The following NOTCH1 variants were observed in gnomAD, a reference collection of about 807,000 sequenced individuals.
NOTCH1 encodes notch receptor 1.
In NOTCH1, 37 loss-of-function variants were observed where a neutral mutation model predicts 254.8. The observed-to-expected ratio is 0.15, with a 90% confidence interval of 0.11 to 0.19. NOTCH1 has a LOEUF of 0.19. NOTCH1 is among the 10% of genes least tolerant of loss of function. The pLI is 1.00. For missense variants in NOTCH1, 2,972 were observed against 3,708.6 expected (o/e 0.80, Z 5.16); for synonymous variants, 1,731 against 1,618.1 (o/e 1.07, Z -1.68).
chr9:136,538,925 G>A (rs902138156), intron 2 of NOTCH1, among the ~76,000 whole-genome samples: 7 of 152,216 alleles, frequency 4.6e-5, no homozygotes, highest in Admixed American at 6.5e-5. Flanking sequence ...ACATGAAACA[G>A]GAAAGGTCCC....
chr9:136,498,627 C>T (rs996753307), intron 33 of NOTCH1, among the ~76,000 whole-genome samples: 6 of 152,208 alleles, frequency 3.9e-5, no homozygotes, highest in African/African-American at 9.7e-5. Context: ...CCATGACTGC[C>T]GCCCAGGAGG....
chr9:136,509,843 G>A lies in NOTCH1; in HGVS notation c.2859C>T (p.Pro953=), dbSNP rs2133350864. 1.2e-6 allele frequency: 2 copies of A among 1,613,176 alleles called. No homozygotes were observed. Among genetic ancestry groups the A allele is most frequent in the Non-Finnish European group, 1.7e-6 (2 of 1,180,032 alleles). ...CCGTGCAGTTGGCCCCGTTGCGGCA[G>A]GGGTCACTGGCACACTCGTTGATGT... is the stretch of plus-strand genomic sequence containing the variant. ...EEDINECASD[P]CRNGANCTDC... The change falls in exon 18 of 34, where the codon CCC becomes CCT. Residue 953 remains proline (P), a synonymous_variant. Transcript: ENST00000651671.
intron 2 of NOTCH1, among the ~76,000 whole-genome samples, chr9:136,525,200 G>A (rs1003408441): frequency 1.3e-5 from 2 of 152,190 alleles, no homozygotes; most frequent in African/African-American, 2.4e-5. Context: ...CAAGGTGGGT[G>A]AAAGGCTGCC....
chr9:136,497,666 G>T (rs777550330), intron 33 of NOTCH1, 108 bp from the exon 34 acceptor site: 2 of 926,798 alleles, frequency 2.2e-6, no homozygotes, highest in Non-Finnish European at 3.2e-6. Flanking sequence ...TCCGCGGGGT[G>T]GGGGCAGGCA....
At chr9:136,515,193 A>G in intron 12 of NOTCH1, 97 bp downstream of exon 12, 1 of 1,181,250 alleles carries the variant, frequency 8.5e-7, no homozygotes, top group Non-Finnish European at 1.2e-6. Context: ...GGGCAGCACC[A>G]AAGCCCTCAC....
At chr9:136,520,154 C>A (rs1305910919) in intron 4 of NOTCH1, among the ~76,000 whole-genome samples, 2 of 152,198 alleles carry the variant, frequency 1.3e-5, no homozygotes, top group Non-Finnish European at 2.9e-5. Context: ...GCCTCCAAGG[C>A]AGCCAGTTAG....
In NOTCH1 at chr9:136,496,976, T is replaced by G. The variant is rs747259468; in HGVS notation, c.6763A>C (p.Met2255Leu). Residue 2255 changes from methionine to leucine, a missense_variant, in exon 34 of 34, where the codon ATG becomes CTG. Met to Leu is a conservative substitution (Grantham distance 15). Around this residue, in one of 8 missense-constraint regions of NOTCH1, gnomAD observed 529 missense variants for 529.2 expected, o/e 1.00. Transcript: ENST00000651671. ...GHLNVAAKPE[M>L]AALGGGGRLA... Reference sequence around the variant, plus strand: ...CGGCCGCCCCCACCCAGCGCCGCCATCTCGGGCTTGGCCGCCACGTTCAGG... The same window carrying G: ...CGGCCGCCCCCACCCAGCGCCGCCAGCTCGGGCTTGGCCGCCACGTTCAGG... The G allele has an allele frequency of 5.0e-6, 8 of 1,610,864 alleles. No homozygotes were observed. Among genetic ancestry groups the G allele is most frequent in the Non-Finnish European group, 6.8e-6 (8 of 1,179,210 alleles).
chr9:136,507,887 C>T (rs527562373), intron 21 of NOTCH1, 68 bp downstream of exon 21: 8 of 1,548,862 alleles, frequency 5.2e-6, no homozygotes, highest in African/African-American at 4.1e-5. Context: ...GGGCCAGCTC[C>T]CAGCCAGGGC....
Position 136,518,159 on chromosome 9 carries a change from C to T in NOTCH1, c.1233G>A (p.Gln411=), listed in dbSNP as rs1443663020. Residue 411 remains glutamine, a synonymous_variant, in exon 7 of 34, where the codon CAG becomes CAA. Transcript: ENST00000651671. ...TACCCAGCGAGCACTCATCCACGTCCTGGCTGCAGGCCGGGCCCGTGTACC... is the reference window on the plus strand; with the variant it reads ...TACCCAGCGAGCACTCATCCACGTCTTGGCTGCAGGCCGGGCCCGTGTACC... ...PSGYTGPACS[Q]DVDECSLGAN... is the part of the protein sequence containing the mutation. The T allele has an allele frequency of 1.3e-6, 2 of 1,594,512 alleles. No individual in the cohort carries two copies. The highest frequency in any genetic ancestry group is 3.5e-5 in the Admixed American group (2 of 57,626).
Position 136,523,206 on chromosome 9 carries a change from A to G in NOTCH1, c.404-18T>C. ...CGATTTCCCTGGAGACAAGGGGACAAGAGGGTCGTGCTGGCCTCACTGCTC... is the reference window on the plus strand; with the variant it reads ...CGATTTCCCTGGAGACAAGGGGACAGGAGGGTCGTGCTGGCCTCACTGCTC... On this transcript the variant is annotated intron_variant, in intron 3 of 33. Coordinates refer to ENST00000651671, the MANE Select transcript of NOTCH1 (RefSeq NM_017617.5). 6.3e-7 allele frequency: 1 copy of G among 1,582,430 alleles called. No individual in the cohort carries two copies.
At chr9:136,526,739 AC>A (rs1322546086) in intron 2 of NOTCH1, among the ~76,000 whole-genome samples, 1 of 152,314 alleles carries the variant, frequency 6.6e-6, no homozygotes, top group East Asian at 1.9e-4. Context: ...GCCCAACCGG[AC>A]GCATCCCAGT....
rs767402050 is a variant in NOTCH1 at position 136,513,580 on chromosome 9, GCACGGC to G, written c.2208-49_2208-44del. On this transcript the variant is annotated intron_variant, in intron 13 of 33. Coordinates refer to ENST00000651671, the MANE Select transcript of NOTCH1 (RefSeq NM_017617.5). The surrounding 1 kb of genome is among the most constrained non-coding windows in gnomAD (Gnocchi z 4.7). ...CTGCAGGTCGAGGGAGGCCCGAGCA[GCACGGC>G]CGGGGCCTGGGCACTCCCGGGTCTG... The G allele has an allele frequency of 8.7e-6, 14 of 1,610,020 alleles. No individual in the cohort carries two copies. The highest frequency in any genetic ancestry group is 1.1e-5 in the Non-Finnish European group (13 of 1,178,898).
chr9:136,500,649 C>T lies in NOTCH1; in HGVS notation c.5837G>A (p.Arg1946His), dbSNP rs777423973. ...GGCATCTGCGCTGGCCTCCAGCAGG[C>T]GCTTGGCGGCATCAGAGCGTGAGTA... ...ARYSRSDAAK[R>H]LLEASADANI... The change falls in exon 31 of 34, where the codon CGC becomes CAC. Residue 1946 changes from arginine (R) to histidine (H), a missense_variant. Coordinates refer to ENST00000651671, the MANE Select transcript of NOTCH1 (RefSeq NM_017617.5). 29 of 1,611,782 alleles carry T rather than the reference C, an allele frequency of 1.8e-5. No individual in the cohort carries two copies. The highest frequency in any genetic ancestry group is 1.2e-4 in the Admixed American group (7 of 60,026).
At chr9:136,528,348 C>T (rs1280247318) in intron 2 of NOTCH1, among the ~76,000 whole-genome samples, 1 of 39,746 alleles carries the variant, frequency 2.5e-5, no homozygotes, top group African/African-American at 1.1e-4. Flanking sequence ...CCCATGGCTC[C>T]ACCAGGTGAC....
rs762091081 is a variant in NOTCH1, at chr9:136,506,636, C to A, written c.3905G>T (p.Arg1302Leu). 1 of 1,605,948 alleles carries A rather than the reference C, an allele frequency of 6.2e-7. No homozygotes were observed. Among genetic ancestry groups the A allele is most frequent in the Non-Finnish European group, 8.5e-7 (1 of 1,177,056 alleles). Residue 1302 changes from arginine to leucine, a missense_variant, in exon 24 of 34, where the codon CGC (arginine) becomes CTC (leucine). Arg to Leu is a moderately radical substitution (Grantham distance 102). Coordinates refer to ENST00000651671, the MANE Select transcript of NOTCH1 (RefSeq NM_017617.5). The surrounding 1 kb of genome is among the most constrained non-coding windows in gnomAD (Gnocchi z 4.5). ...HCECRAGHTG[R>L]RCESVINGCK... ...GCCATTGATGACGGACTCGCAGCGGCGCCCTAGGGGTAAGAGCAGGGCAGT... is the reference window on the plus strand; with the variant it reads ...GCCATTGATGACGGACTCGCAGCGGAGCCCTAGGGGTAAGAGCAGGGCAGT...
chr9:136,510,506 C>A, intron 17 of NOTCH1, 147 bp downstream of exon 17: 1 of 1,089,794 alleles, frequency 9.2e-7, no homozygotes, highest in Non-Finnish European at 1.3e-6. Context: ...CATCCCTCAG[C>A]ACATCCCCCA....
At chr9:136,533,959 T>C (rs1297750111) in intron 2 of NOTCH1, among the ~76,000 whole-genome samples, 1 of 152,164 alleles carries the variant, frequency 6.6e-6, no homozygotes, top group Non-Finnish European at 1.5e-5. Flanking sequence ...CGGGTGCCTG[T>C]GGCTCGGGCC....
intron 2 of NOTCH1, among the ~76,000 whole-genome samples, chr9:136,524,581 G>A (rs565616538): frequency 1.4e-4 from 22 of 151,826 alleles, no homozygotes; most frequent in Non-Finnish European, 2.6e-4. Context: ...CAACATGATG[G>A]CAGCCACGGA....
rs1481553728 is a variant in NOTCH1 at position 136,514,490 on chromosome 9, T to C, written c.2207+20A>G. On this transcript the variant is annotated intron_variant, in intron 13 of 33. Transcript: ENST00000651671. Reference sequence around the variant, plus strand: ...AGGGTTTAGGACTGATGTGTCCCCATGATCGGCCCCGCCGCATACCCGTTG... The same window carrying C: ...AGGGTTTAGGACTGATGTGTCCCCACGATCGGCCCCGCCGCATACCCGTTG... The C allele has an allele frequency of 1.6e-5, 25 of 1,553,594 alleles. No individual in the cohort carries two copies. The highest frequency in any genetic ancestry group is 2.1e-5 in the Non-Finnish European group (24 of 1,150,452).
Sources: gnomAD v4.1 joint callset for allele counts (sites outside exome capture counted in the v4.1 genomes callset) on GRCh38, gnomAD v4.1.1 for gene constraint, gnomAD v4.1.1 regional missense constraint, Gnocchi (gnomAD v3.1) non-coding constraint, MANE v1.5 for transcripts, NCBI Gene and HGNC (gene_info 2026-07-23, HGNC 2026-07-21) for gene names.